Variants in CFDP1 observed in about 807,000 individuals in gnomAD.
CFDP1 encodes the protein heterochromatin-stabilizing protein CFDP1.
CFDP1 carries 31 observed loss-of-function variants against 40.1 expected under a neutral mutation model. The ratio of observed to expected loss-of-function variants is 0.77; its 90% CI spans 0.58 to 1.04. The LOEUF (loss-of-function observed/expected upper bound fraction) is 1.04, where lower values mean the gene tolerates loss of function less well. CFDP1 is among the 50% of genes least tolerant of loss of function. The pLI is 0.00. For missense variants in CFDP1, 423 were observed against 343.4 expected, an observed-to-expected ratio of 1.23 and a Z score of -1.83; for synonymous variants, 167 against 120.0, an observed-to-expected ratio of 1.39 and a Z score of -2.56.
intron 5 of CFDP1, among the ~76,000 whole-genome samples, chr16:75,329,096 G>A (rs891396994): frequency 6.6e-6 from 1 of 152,028 alleles, no homozygotes; most frequent in Non-Finnish European, 1.5e-5. Context: ...TGATCTGCCC[G>A]CCTCGGCCTC....
chr16:75,298,163 T>C (rs1480670293), intron 6 of CFDP1, among the ~76,000 whole-genome samples: 1 of 152,258 alleles, frequency 6.6e-6, no homozygotes, highest in Non-Finnish European at 1.5e-5. Context: ...TTGTTTAAAC[T>C]TGGGTCCCAT....
intron 5 of CFDP1, chr16:75,362,894 G>C (rs1472233353): frequency 1.3e-5 from 2 of 152,156 alleles, no homozygotes; most frequent in African/African-American, 4.8e-5. Flanking sequence ...TGCAGCAGAA[G>C]TTCCAGCTGA....
At chr16:75,394,915 T>C in intron 5 of CFDP1, 175 bp downstream of exon 5, 1 of 761,350 alleles carries the variant, frequency 1.3e-6, no homozygotes, top group Non-Finnish European at 2.0e-6. Flanking sequence ...CCTGAGAAAG[T>C]TATGGCTAAT....
At chr16:75,295,903 G>A (rs2078178706) in intron 6 of CFDP1, among the ~76,000 whole-genome samples, 1 of 152,158 alleles carries the variant, frequency 6.6e-6, no homozygotes, top group Admixed American at 6.5e-5. Context: ...CCCACTAAGA[G>A]ACCCGTGATT....
intron 5 of CFDP1, among the ~76,000 whole-genome samples, chr16:75,315,174 C>G (rs888067439): frequency 2.0e-5 from 3 of 151,886 alleles, no homozygotes; most frequent in Admixed American, 2.0e-4. Context: ...AACCCCGTCT[C>G]TACAAAAAAT....
intron 1 of CFDP1, among the ~76,000 whole-genome samples, chr16:75,418,413 T>A (rs1273493197): frequency 1.3e-5 from 2 of 150,944 alleles, no homozygotes; most frequent in Non-Finnish European, 3.0e-5. Context: ...TTTACGCCAT[T>A]CTCCTGCCTC....
intron 5 of CFDP1, among the ~76,000 whole-genome samples, chr16:75,389,664 CA>C (rs1955142292): frequency 9.3e-6 from 1 of 107,934 alleles, no homozygotes; most frequent in Admixed American, 1.1e-4. Context: ...AAGCAGCTCC[CA>C]AAATGAAAAA....
chr16:75,407,673 GA>G (rs11357413), intron 4 of CFDP1, among the ~76,000 whole-genome samples: 18,574 of 124,730 alleles, frequency 0.15, 1,484 homozygotes, highest in East Asian at 0.42. Flanking sequence ...AAAAAAAAAA[GA>G]AAAAAAAGAA....
chr16:75,385,051 G>A (rs1370537107), intron 5 of CFDP1, among the ~76,000 whole-genome samples: 5 of 151,024 alleles, frequency 3.3e-5, no homozygotes, highest in East Asian at 1.9e-4. Context: ...AACCTTGATA[G>A]GTATTGCAGG....
chr16:75,293,984 G>C lies in CFDP1; in HGVS notation c.868C>G (p.Arg290Gly). 1 of 1,614,028 alleles carries C rather than the reference G, an allele frequency of 6.2e-7. No individual in the cohort carries two copies. Among genetic ancestry groups the C allele is most frequent in the East Asian group, 2.2e-5 (1 of 44,886 alleles). ...TTCATTTTGCTCAGCCTGAGATCTCGCTCAATTTCAAACTGCCTGTGATCC... is the reference window on the plus strand; with the variant it reads ...TTCATTTTGCTCAGCCTGAGATCTCCCTCAATTTCAAACTGCCTGTGATCC... The part of the protein sequence containing the change: ...RVDHRQFEIE[R>G]DLRLSKMKP The change falls in exon 7 of 7, where the codon CGA becomes GGA. Residue 290 changes from arginine (R) to glycine (G), a missense_variant. By Grantham distance (125) the Arg-to-Gly change is moderately radical. Coordinates refer to ENST00000283882, the MANE Select transcript of CFDP1 (RefSeq NM_006324.3).
At chr16:75,334,415 G>T (rs1338899845) in intron 5 of CFDP1, among the ~76,000 whole-genome samples, 1 of 150,742 alleles carries the variant, frequency 6.6e-6, no homozygotes, top group African/African-American at 2.4e-5. Context: ...GTGCTCTAGA[G>T]AACATCTGCA....
chr16:75,361,549 G>A (rs898292299), intron 5 of CFDP1, among the ~76,000 whole-genome samples: 4 of 151,998 alleles, frequency 2.6e-5, no homozygotes, highest in African/African-American at 4.8e-5. Flanking sequence ...CCTGGGAGGC[G>A]GAGGTTGCTG....
intron 5 of CFDP1, among the ~76,000 whole-genome samples, chr16:75,316,982 C>A (rs1716797225): frequency 6.6e-6 from 1 of 150,854 alleles, no homozygotes. Flanking sequence ...AACTCCGTCT[C>A]AAAAAAAGAT....
At chr16:75,380,564 A>G (rs2078844229) in intron 5 of CFDP1, among the ~76,000 whole-genome samples, 1 of 152,178 alleles carries the variant, frequency 6.6e-6, no homozygotes, top group African/African-American at 2.4e-5. Context: ...TAGGAAAAAA[A>G]AAAAATCACA....
intron 6 of CFDP1, among the ~76,000 whole-genome samples, chr16:75,302,925 G>A (rs755104702): frequency 6.6e-6 from 1 of 152,142 alleles, no homozygotes; most frequent in Non-Finnish European, 1.5e-5. Context: ...GCTGGGCGTG[G>A]TGGCTCACAC....
intron 5 of CFDP1, among the ~76,000 whole-genome samples, chr16:75,306,232 T>C (rs2078256082): frequency 6.6e-6 from 1 of 152,240 alleles, no homozygotes. Flanking sequence ...CCAAGTGCTT[T>C]TGTAGCCATG....
chr16:75,424,507 G>C (rs896380869), intron 1 of CFDP1, among the ~76,000 whole-genome samples: 6 of 152,082 alleles, frequency 3.9e-5, no homozygotes, highest in African/African-American at 1.4e-4. Flanking sequence ...TATAATCCCA[G>C]CACTTTGGGA....
intron 5 of CFDP1, chr16:75,325,165 T>C (rs1037943114): frequency 2.0e-5 from 3 of 152,434 alleles, no homozygotes; most frequent in African/African-American, 7.2e-5. Context: ...TCCAGCTTTA[T>C]ATACCCAACA....
intron 4 of CFDP1, among the ~76,000 whole-genome samples, chr16:75,410,617 C>CA (rs1168126785): frequency 2.7e-5 from 4 of 148,506 alleles, no homozygotes; most frequent in South Asian, 2.1e-4. Context: ...ACTAAAACTA[C>CA]AAAAAAAAAG....
Sources: gnomAD v4.1 joint callset for allele counts (sites outside exome capture counted in the v4.1 genomes callset) on GRCh38, gnomAD v4.1.1 for gene constraint, MANE v1.5 for transcripts, NCBI Gene and HGNC (gene_info 2026-07-23, HGNC 2026-07-21) for gene names.